The following WARS2 variants were observed in gnomAD, a reference collection of about 807,000 sequenced individuals.
The protein encoded by WARS2 is tryptophan--tRNA ligase, mitochondrial.
Under a neutral mutation model 36.5 loss-of-function variants are expected in WARS2, and 28 were observed. That is an observed-to-expected ratio of 0.77 (90% CI 0.57 to 1.05). The LOEUF is 1.05. WARS2 is among the 50% of genes least tolerant of loss of function. The pLI is 0.00. For missense variants in WARS2, 435 were observed against 456.8 expected (o/e 0.95, Z 0.44); for synonymous variants, 174 against 178.4 (o/e 0.98, Z 0.20).
At chr1:119,089,005 AT>A (rs1652861616) in intron 1 of WARS2, among the ~76,000 whole-genome samples, 1 of 152,170 alleles carries the variant, frequency 6.6e-6, no homozygotes, top group African/African-American at 2.4e-5. Flanking sequence ...ACCTGGACTA[AT>A]ATCATGTGGC....
intron 1 of WARS2, among the ~76,000 whole-genome samples, chr1:119,129,849 G>C (rs1336602951): frequency 6.6e-6 from 1 of 152,116 alleles, no homozygotes; most frequent in Admixed American, 6.5e-5. Context: ...AAGCTTTCCT[G>C]ACCAACTACT....
chr1:119,036,700 A>G (rs535359667), intron 4 of WARS2, among the ~76,000 whole-genome samples: 17 of 152,260 alleles, frequency 1.1e-4, no homozygotes, highest in African/African-American at 4.1e-4. Context: ...TAAACAGAAA[A>G]CACATTTAGT....
intron 1 of WARS2, chr1:119,084,906 T>C: frequency 3.2e-6 from 1 of 307,816 alleles, no homozygotes; most frequent in Non-Finnish European, 6.2e-6. Flanking sequence ...GCCCCAGGAG[T>C]TTTAGATACA....
intron 1 of WARS2, among the ~76,000 whole-genome samples, chr1:119,111,530 GTGCTC>G (rs1654637539): frequency 6.6e-6 from 1 of 152,286 alleles, no homozygotes; most frequent in South Asian, 2.1e-4. Flanking sequence ...GTTAAAAAGA[GTGCTC>G]TGGCATATTT....
At chr1:119,107,748 T>A (rs1385041679) in intron 1 of WARS2, among the ~76,000 whole-genome samples, 1 of 152,036 alleles carries the variant, frequency 6.6e-6, no homozygotes, top group Non-Finnish European at 1.5e-5. Context: ...GACATCCTTG[T>A]CTTGTTTCTA....
At chr1:119,131,281 G>A (rs900209689) in intron 1 of WARS2, among the ~76,000 whole-genome samples, 10 of 152,034 alleles carry the variant, frequency 6.6e-5, no homozygotes, top group African/African-American at 2.4e-4. Context: ...ATAGAGTACA[G>A]ACAGATAAGG....
At chr1:119,108,994 T>C (rs1341131828) in intron 1 of WARS2, among the ~76,000 whole-genome samples, 1 of 152,008 alleles carries the variant, frequency 6.6e-6, no homozygotes, top group African/African-American at 2.4e-5. Context: ...TATAAGTTTG[T>C]TGTTTAATCA....
intron 1 of WARS2, chr1:119,126,600 T>C (rs977016595): frequency 4.4e-6 from 3 of 675,566 alleles, no homozygotes; most frequent in Non-Finnish European, 5.5e-6. Flanking sequence ...AGCACCTGTC[T>C]TGTCCCCAGT....
At chr1:119,094,452 TG>T (rs1251824782) in intron 1 of WARS2, among the ~76,000 whole-genome samples, 1 of 152,094 alleles carries the variant, frequency 6.6e-6, no homozygotes, top group Non-Finnish European at 1.5e-5. Context: ...GATATGTGTT[TG>T]TTTTTTTTTT....
intron 2 of WARS2, among the ~76,000 whole-genome samples, chr1:119,055,558 C>G (rs1333700682): frequency 6.6e-6 from 1 of 152,150 alleles, no homozygotes; most frequent in Non-Finnish European, 1.5e-5. Context: ...ACAAGATTCA[C>G]TTGAACCCAG....
chr1:119,084,816 C>T (rs1189737295), intron 1 of WARS2, among the ~76,000 whole-genome samples: 7 of 152,074 alleles, frequency 4.6e-5, no homozygotes, highest in South Asian at 4.1e-4. Flanking sequence ...ATGAATGGTA[C>T]GAAGAATATC....
rs367733670 is a variant in WARS2, at chr1:119,140,614, C to T, written c.31G>A (p.Glu11Lys). 11 of 1,613,872 alleles carry T rather than the reference C, an allele frequency of 6.8e-6. No individual in the cohort carries two copies. The African/African-American group carries it at 1.5e-4, about 21-fold the overall frequency. The change falls in exon 1 of 6, where the codon GAG becomes AAG. Residue 11 changes from glutamate (E) to lysine (K), a missense_variant. Physicochemically the swap from Glu to Lys is moderately conservative, Grantham distance 56 (BLOSUM62 1). Transcript: ENST00000235521. Reference protein sequence around the residue: MALHSMRKARERWSFIRALHK... With the variant: MALHSMRKARKRWSFIRALHK... ...AGTGCCCGGATGAAGCTCCAGCGCT[C>T]ACGCGCTTTCCGCATTGAGTGCAGC... is the stretch of plus-strand genomic sequence containing the variant.
rs892967841 is a variant in WARS2, at chr1:119,140,423, G to A, written c.90+132C>T. ...TCTGAGCAGGCCGACAGTCATAGAC[G>A]AGTAGACCTTAGGCGAGGGAAGGCA... is the stretch of plus-strand genomic sequence containing the variant. On this transcript the variant is annotated intron_variant, in intron 1 of 5. Transcript: ENST00000235521. 7 of 739,544 alleles carry A rather than the reference G, an allele frequency of 9.5e-6. No homozygotes were observed. The East Asian group carries it at 1.1e-4, about 12-fold the overall frequency. The allele number at this position is 739,544 out of a possible 1,614,324, so 45.8% of individuals were successfully genotyped here. A position where few individuals can be genotyped will look rare whatever the true frequency, so the allele number is the denominator to read the frequency against.
At chr1:119,137,907 T>TA (rs1002534154) in intron 1 of WARS2, among the ~76,000 whole-genome samples, 1 of 152,124 alleles carries the variant, frequency 6.6e-6, no homozygotes, top group Non-Finnish European at 1.5e-5. Context: ...GATTTTGTTT[T>TA]AAAAAAAGAA....
intron 1 of WARS2, among the ~76,000 whole-genome samples, chr1:119,095,005 A>T (rs778497171): frequency 2.6e-5 from 4 of 152,206 alleles, no homozygotes; most frequent in Non-Finnish European, 5.9e-5. Flanking sequence ...ATGACAGCCT[A>T]TAAGGTTGGG....
intron 1 of WARS2, among the ~76,000 whole-genome samples, chr1:119,107,786 T>C (rs992091755): frequency 1.3e-5 from 2 of 152,100 alleles, no homozygotes; most frequent in African/African-American, 4.8e-5. Flanking sequence ...CAAGTTTCTC[T>C]GCATTAAGTA....
At chr1:119,046,020 A>G (rs891415630) in intron 2 of WARS2, among the ~76,000 whole-genome samples, 1 of 151,592 alleles carries the variant, frequency 6.6e-6, no homozygotes, top group Non-Finnish European at 1.5e-5. Flanking sequence ...CTCTCTCTCT[A>G]TCACACACTC....
At chr1:119,045,493 G>T (rs1349597328) in intron 3 of WARS2, 89 bp downstream of exon 3, 7 of 1,101,894 alleles carry the variant, frequency 6.4e-6, no homozygotes, top group Non-Finnish European at 9.5e-6. Flanking sequence ...GGCAGACCAG[G>T]GAGGAGAGTA....
chr1:119,138,140 A>T (rs1207130036), intron 1 of WARS2, among the ~76,000 whole-genome samples: 1 of 152,140 alleles, frequency 6.6e-6, no homozygotes. Context: ...TTGCAAAATA[A>T]TTTTTTTCTA....
Sources: allele counts gnomAD v4.1 joint callset (sites outside exome capture counted in the v4.1 genomes callset), GRCh38; gene constraint gnomAD v4.1.1; transcripts MANE v1.5; gene names NCBI Gene and HGNC (gene_info 2026-07-23, HGNC 2026-07-21).